The following PIWIL1 variants were observed in gnomAD, a reference collection of about 807,000 sequenced individuals.
The protein encoded by PIWIL1 is piwi-like protein 1.
PIWIL1 carries 73 observed loss-of-function variants against 114.4 expected under a neutral mutation model. The observed-to-expected ratio is 0.64, with a 90% CI of 0.53 to 0.78. The LOEUF (loss-of-function observed/expected upper bound fraction) is 0.78. Among genes scored for constraint, PIWIL1 ranks in the 30% least tolerant of loss-of-function variants. The pLI, the probability that PIWIL1 is intolerant of heterozygous loss-of-function variation, is 0.00. For missense variants in PIWIL1, 723 were observed against 1,063.1 expected, an observed-to-expected ratio of 0.68 and a Z score of 4.45; for synonymous variants, 375 against 369.0, an observed-to-expected ratio of 1.02 and a Z score of -0.19.
the PIWIL1 span, chr12:130,383,782 T>A: frequency 6.6e-6 from 1 of 152,250 alleles, no homozygotes; most frequent in Middle Eastern, 3.4e-3. Context: ...CTTTAACATG[T>A]GCTTATTACA....
At chr12:130,408,019 T>C in the PIWIL1 span, among the ~76,000 whole-genome samples, 115 of 152,264 alleles carry the variant, frequency 7.6e-4, 1 homozygote, top group African/African-American at 2.6e-3. Context: ...CTCCATATTC[T>C]TATATTTTTG....
the PIWIL1 span, among the ~76,000 whole-genome samples, chr12:130,392,263 C>CGTGT: frequency 1.4e-5 from 1 of 73,684 alleles, no homozygotes; most frequent in East Asian, 4.7e-4. Flanking sequence ...ATCACGTGTC[C>CGTGT]GTCAGTTACC....
chr12:130,415,488 G>A, the PIWIL1 span, among the ~76,000 whole-genome samples: 1 of 152,170 alleles, frequency 6.6e-6, no homozygotes, highest in East Asian at 1.9e-4. Context: ...CTTAAGAACT[G>A]GAGCAAGGCA....
chr12:130,350,792 T>G (rs560492720), intron 9 of PIWIL1, among the ~76,000 whole-genome samples: 2 of 152,314 alleles, frequency 1.3e-5, no homozygotes, highest in Admixed American at 6.5e-5. Flanking sequence ...TTCTAAAAAT[T>G]TGGATAAATG....
At chr12:130,423,566 G>T in the PIWIL1 span, among the ~76,000 whole-genome samples, 1 of 151,774 alleles carries the variant, frequency 6.6e-6, no homozygotes, top group Non-Finnish European at 1.5e-5. Context: ...CAGGGCCGGC[G>T]GGGAGAAGGC....
chr12:130,423,565 C>T, the PIWIL1 span, among the ~76,000 whole-genome samples: 44 of 144,654 alleles, frequency 3.0e-4, no homozygotes, highest in Admixed American at 1.0e-3. Flanking sequence ...GCAGGGCCGG[C>T]GGGGAGAAGG....
At chr12:130,342,930 T>A in intron 2 of PIWIL1, 60 bp from the exon 3 acceptor site, 1 of 1,221,314 alleles carries the variant, frequency 8.2e-7, no homozygotes. Flanking sequence ...AGACTAGAAA[T>A]TTTCTCTGGT....
At chr12:130,393,554 G>A in the PIWIL1 span, among the ~76,000 whole-genome samples, 5 of 152,138 alleles carry the variant, frequency 3.3e-5, no homozygotes, top group Admixed American at 2.0e-4. Flanking sequence ...AATACTGAAT[G>A]TTGTGATGAC....
chr12:130,417,855 G>A, the PIWIL1 span, among the ~76,000 whole-genome samples: 2 of 143,854 alleles, frequency 1.4e-5, no homozygotes, highest in African/African-American at 2.6e-5. Context: ...TATATGTATG[G>A]AGAGAGAATG....
At position 130,339,138 on chromosome 12, in the gene PIWIL1, G is replaced by A. The variant is rs369571096; in HGVS notation, c.-13+992G>A. Among the ~76,000 whole-genome samples the A allele has an allele frequency of 1.9e-4, 29 of 152,222 alleles. No individual in the cohort carries two copies. In the East Asian group the frequency reaches 3.3e-3, roughly 17 times the overall value. ...AGCCTTGGGAGCCGGACGTTGGGAAGAGGACGGAACTCCGGAGGACCCCAA... is the reference window on the plus strand; with the variant it reads ...AGCCTTGGGAGCCGGACGTTGGGAAAAGGACGGAACTCCGGAGGACCCCAA... On this transcript the variant is annotated intron_variant, in intron 1 of 20. Transcript: ENST00000245255.
At chr12:130,419,092 G>A in the PIWIL1 span, among the ~76,000 whole-genome samples, 1 of 152,222 alleles carries the variant, frequency 6.6e-6, no homozygotes, top group African/African-American at 2.4e-5. The surrounding 1 kb of genome is among the most constrained non-coding windows in gnomAD (Gnocchi z 4.3). Flanking sequence ...TGTGTTATGA[G>A]CACCAAACCT....
At chr12:130,362,900 A>G (rs1486840736) in intron 17 of PIWIL1, 64 bp downstream of exon 17, 1 of 1,609,894 alleles carries the variant, frequency 6.2e-7, no homozygotes, top group East Asian at 2.2e-5. Flanking sequence ...ATTACCCTGA[A>G]CTGTGTTATT....
At chr12:130,342,074 G>C (rs2072930626) in intron 1 of PIWIL1, among the ~76,000 whole-genome samples, 1 of 152,106 alleles carries the variant, frequency 6.6e-6, no homozygotes, top group East Asian at 1.9e-4. Flanking sequence ...GGAACTCTGG[G>C]AAGATCCAGG....
the PIWIL1 span, among the ~76,000 whole-genome samples, chr12:130,417,977 A>G: frequency 1.3e-5 from 2 of 152,120 alleles, no homozygotes; most frequent in Non-Finnish European, 2.9e-5. Context: ...AGAGAGCAGC[A>G]TTGGGAGAAG....
At chr12:130,422,491 C>T in the PIWIL1 span, 49 of 1,613,102 alleles carry the variant, frequency 3.0e-5, no homozygotes, top group Non-Finnish European at 3.9e-5. This position sits in a 1 kb window ranked among gnomAD's most constrained non-coding sequence, Gnocchi z 5.2. Context: ...CCTCTGAGGA[C>T]CAGCGCTGCC....
chr12:130,416,840 G>T, the PIWIL1 span, among the ~76,000 whole-genome samples: 1 of 152,050 alleles, frequency 6.6e-6, no homozygotes, highest in Non-Finnish European at 1.5e-5. Flanking sequence ...CTAGTGTCCG[G>T]AATCTGCAAG....
intron 3 of PIWIL1, among the ~76,000 whole-genome samples, chr12:130,344,424 A>C (rs1025910408): frequency 6.6e-6 from 1 of 152,214 alleles, no homozygotes; most frequent in Non-Finnish European, 1.5e-5. Context: ...ACAAACATGG[A>C]AGTGCCTTGT....
Position 130,371,573 on chromosome 12 carries a change from T to C in PIWIL1, c.2561T>C (p.Leu854Pro). The C allele has an allele frequency of 6.2e-7, 1 of 1,613,450 alleles. No homozygotes were observed. Residue 854 changes from leucine to proline, a missense_variant, in exon 21 of 21, where the codon CTG becomes CCG. By Grantham distance (98) the Leu-to-Pro change is moderately conservative. Coordinates refer to ENST00000245255, the MANE Select transcript of PIWIL1 (RefSeq NM_004764.5). ...ATTCACAGAGAGCCAAATCTGTCACTGTCAAACCGCCTTTACTACCTCTAA... is the reference window on the plus strand; with the variant it reads ...ATTCACAGAGAGCCAAATCTGTCACCGTCAAACCGCCTTTACTACCTCTAA... ...QSIHREPNLSLSNRLYYL is the reference protein window; with the variant it reads ...QSIHREPNLSPSNRLYYL
chr12:130,355,967 C>T (rs1161724220), intron 12 of PIWIL1, among the ~76,000 whole-genome samples: 7 of 152,026 alleles, frequency 4.6e-5, no homozygotes, highest in African/African-American at 1.4e-4. Flanking sequence ...GAGGAGAAAA[C>T]GTGGAAGCCC....
Sources: allele counts gnomAD v4.1 joint callset (sites outside exome capture counted in the v4.1 genomes callset), GRCh38; gene constraint gnomAD v4.1.1; non-coding constraint Gnocchi (gnomAD v3.1); transcripts MANE v1.5; gene names NCBI Gene and HGNC (gene_info 2026-07-23, HGNC 2026-07-21).